The following DCAF8 variants were observed in gnomAD, a reference collection of about 807,000 sequenced individuals.
The protein encoded by DCAF8 is DDB1 and CUL4 associated factor 8, also known as DDB1- and CUL4-associated factor 8.
In DCAF8, 20 loss-of-function variants were observed where a neutral mutation model predicts 68.0. The ratio of observed to expected loss-of-function variants is 0.29; its 90% CI spans 0.21 to 0.43. DCAF8 has a LOEUF of 0.43. DCAF8 is among the 20% of genes least tolerant of loss of function. DCAF8 has a pLI of 1.00. For synonymous variants in DCAF8, 230 were observed against 276.9 expected (o/e 0.83, Z 1.68); for missense variants, 460 against 771.0 (o/e 0.60, Z 4.78).
At chr1:160,224,419 G>C in intron 10 of DCAF8, 23 bp downstream of exon 10, 2 of 1,590,250 alleles carry the variant, frequency 1.3e-6, no homozygotes, top group Non-Finnish European at 1.7e-6. Flanking sequence ...TTGGGCCAAA[G>C]AAACCTAGGA....
chr1:160,221,816 T>TAAA (rs1296060225), intron 11 of DCAF8, among the ~76,000 whole-genome samples: 1 of 92,504 alleles, frequency 1.1e-5, no homozygotes, highest in African/African-American at 5.0e-5. Context: ...ATTCTAGGTC[T>TAAA]CAAAAAAAAA....
In DCAF8 at chr1:160,218,503, G is replaced by C. The variant is rs561752928; in HGVS notation, c.1561-63C>G. On this transcript the variant is annotated intron_variant, in intron 12 of 13. Coordinates refer to ENST00000368074, the MANE Select transcript of DCAF8 (RefSeq NM_015726.4). ...GAAGAGGAACCCGGGACCTGATCAA[G>C]AAGGCTGATCTCCTATCCCAATAAA... The C allele has an allele frequency of 5.7e-6, 7 of 1,238,064 alleles. No homozygotes were observed. The South Asian group carries it at 8.4e-5, about 15-fold the overall frequency. The allele number at this position is 1,238,064 out of a possible 1,614,324, so 76.7% of individuals were successfully genotyped here.
intron 2 of DCAF8, among the ~76,000 whole-genome samples, chr1:160,259,657 C>T (rs1656987941): frequency 6.6e-6 from 1 of 152,042 alleles, no homozygotes; most frequent in South Asian, 2.1e-4. Flanking sequence ...CACTGTATAG[C>T]CCAACAAGAA....
At chr1:160,243,249 G>C (rs1656186868) in intron 3 of DCAF8, among the ~76,000 whole-genome samples, 1 of 151,928 alleles carries the variant, frequency 6.6e-6, no homozygotes, top group South Asian at 2.1e-4. Context: ...CCAGTGATTT[G>C]ACACTTGGCA....
chr1:160,239,577 C>T, intron 4 of DCAF8, 120 bp downstream of exon 4: 1 of 1,600,402 alleles, frequency 6.2e-7, no homozygotes, highest in Non-Finnish European at 8.5e-7. Context: ...CAAAGTAGGG[C>T]CATGTCCCGA....
At chr1:160,233,689 A>C (rs1210038741) in intron 6 of DCAF8, among the ~76,000 whole-genome samples, 1 of 152,202 alleles carries the variant, frequency 6.6e-6, no homozygotes, top group East Asian at 1.9e-4. Context: ...ACCATGTGGA[A>C]GCAAAATGAA....
chr1:160,233,234 A>G (rs2101731559), intron 6 of DCAF8, among the ~76,000 whole-genome samples: 1 of 152,264 alleles, frequency 6.6e-6, no homozygotes, highest in Non-Finnish European at 1.5e-5. Context: ...TTTACTTAGT[A>G]TCTCTGCAGC....
Position 160,239,543 on chromosome 1 carries a change from G to A in DCAF8, c.723+154C>T, listed in dbSNP as rs1049976945. Reference sequence around the variant, plus strand: ...ATCTAGGGTTGCCAAGAGTCTTTCAGTGTATTTAGGTCATTAGGGGAGCCA... The same window carrying A: ...ATCTAGGGTTGCCAAGAGTCTTTCAATGTATTTAGGTCATTAGGGGAGCCA... On this transcript the variant is annotated intron_variant, in intron 4 of 13. Coordinates refer to ENST00000368074, the MANE Select transcript of DCAF8 (RefSeq NM_015726.4). 57 of 1,553,470 alleles carry A rather than the reference G, an allele frequency of 3.7e-5. No homozygotes were observed. In the South Asian group the frequency reaches 6.6e-4, roughly 18 times the overall value.
chr1:160,257,802 C>T (rs775070205), intron 2 of DCAF8, among the ~76,000 whole-genome samples: 6 of 152,230 alleles, frequency 3.9e-5, no homozygotes, highest in East Asian at 3.9e-4. Context: ...GTGATCACTG[C>T]GCAATCTCAG....
intron 2 of DCAF8, among the ~76,000 whole-genome samples, chr1:160,250,698 T>C (rs191078405): frequency 4.6e-5 from 7 of 152,274 alleles, no homozygotes; most frequent in African/African-American, 1.7e-4. Flanking sequence ...CCTGTGTGAT[T>C]TATCAGCGAC....
At chr1:160,235,923 G>A (rs1195590790) in intron 6 of DCAF8, among the ~76,000 whole-genome samples, 1 of 152,080 alleles carries the variant, frequency 6.6e-6, no homozygotes, top group Non-Finnish European at 1.5e-5. Flanking sequence ...ATTTTTAGTA[G>A]AGGTGAGGTT....
intron 6 of DCAF8, 77 bp from the exon 7 acceptor site, chr1:160,231,484 G>A: frequency 1.0e-6 from 1 of 966,276 alleles, no homozygotes; most frequent in Non-Finnish European, 1.6e-6. Flanking sequence ...AGCCAAGAGA[G>A]TCACATGGCT....
At chr1:160,245,262 C>T (rs1656273107) in intron 2 of DCAF8, among the ~76,000 whole-genome samples, 1 of 152,150 alleles carries the variant, frequency 6.6e-6, no homozygotes, top group Non-Finnish European at 1.5e-5. Context: ...CCAGTAAATT[C>T]CAAAGAGCAA....
rs768015097 is a variant in DCAF8 at position 160,240,056 on chromosome 1, G to A, written c.364C>T (p.Arg122Trp). The A allele has an allele frequency of 1.9e-5, 30 of 1,614,128 alleles. No individual in the cohort carries two copies. The highest frequency in any genetic ancestry group is 3.3e-4 in the Middle Eastern group (2 of 6,084). ...GATGAGTCCTGGTCACGGTTAGCCC[G>A]CTTGCGCTGTACACGGCGCCGAGGC... ...EQPRRRVQRK[R>W]ANRDQDSSDD... The change falls in exon 4 of 14, where the codon CGG becomes TGG. Residue 122 changes from arginine (R) to tryptophan (W), a missense_variant. Transcript: ENST00000368074.
chr1:160,253,638 A>C, intron 2 of DCAF8, among the ~76,000 whole-genome samples: 1 of 113,984 alleles, frequency 8.8e-6, no homozygotes, highest in Admixed American at 1.2e-4. Context: ...ACAGGGTGAG[A>C]CTCCATCTCA....
intron 2 of DCAF8, among the ~76,000 whole-genome samples, chr1:160,256,756 T>C (rs1656851573): frequency 6.6e-6 from 1 of 152,240 alleles, no homozygotes. Context: ...ATCTTTGTCA[T>C]ATTAATTACT....
chr1:160,233,441 T>C (rs1373154319), intron 6 of DCAF8, among the ~76,000 whole-genome samples: 1 of 152,094 alleles, frequency 6.6e-6, no homozygotes, highest in Non-Finnish European at 1.5e-5. Flanking sequence ...AAAATGAATG[T>C]CATTAGGGGA....
In DCAF8 at chr1:160,240,303, A is replaced by G; in HGVS notation, c.117T>C (p.Ile39=). Residue 39 remains isoleucine (I), a synonymous_variant, in exon 4 of 14, where the codon ATT becomes ATC. Transcript: ENST00000368074. ...AACTCAGGTCTGAGGCCTCCACTTC[A>G]ATGCCTGAGGATGTCTCCCTCCCCT... ...AEEGRETSSG[I]EVEASDLSLS... The G allele has an allele frequency of 6.2e-7, 1 of 1,613,810 alleles. No homozygotes were observed. The highest frequency in any genetic ancestry group is 1.1e-5 in the South Asian group (1 of 91,056).
intron 6 of DCAF8, among the ~76,000 whole-genome samples, chr1:160,233,995 G>A (rs954755683): frequency 2.0e-5 from 3 of 152,144 alleles, no homozygotes; most frequent in African/African-American, 7.2e-5. Context: ...AATAATTACA[G>A]ATGAGACCAA....
Sources: allele counts gnomAD v4.1 joint callset (sites outside exome capture counted in the v4.1 genomes callset), GRCh38; gene constraint gnomAD v4.1.1; transcripts MANE v1.5; gene names NCBI Gene and HGNC (gene_info 2026-07-23, HGNC 2026-07-21).